RNF150: variants seen among roughly 807,000 people sequenced by gnomAD.
The protein encoded by RNF150 is ring finger protein 150.
In RNF150, 24 loss-of-function variants were observed where a neutral mutation model predicts 39.3. The ratio of observed to expected loss-of-function variants is 0.61; its 90% CI spans 0.44 to 0.86. The LOEUF (loss-of-function observed/expected upper bound fraction) is 0.86. Among genes scored for constraint, RNF150 ranks in the 40% least tolerant of loss-of-function variants. The pLI is 0.00. For synonymous variants in RNF150, 255 were observed against 227.3 expected (o/e 1.12, Z -1.10); for missense variants, 502 against 587.8 (o/e 0.85, Z 1.51).
intron 2 of RNF150, among the ~76,000 whole-genome samples, chr4:140,959,341 T>C (rs947814087): frequency 2.6e-5 from 4 of 152,102 alleles, no homozygotes; most frequent in Admixed American, 1.3e-4. Context: ...TGGTCAGAGA[T>C]AAGATTCCAC....
At chr4:141,042,516 G>GA (rs899868178) in intron 1 of RNF150, among the ~76,000 whole-genome samples, 3 of 151,602 alleles carry the variant, frequency 2.0e-5, no homozygotes, top group African/African-American at 7.3e-5. Context: ...AGATGTGTCT[G>GA]AAAAAAAATG....
intron 1 of RNF150, among the ~76,000 whole-genome samples, chr4:141,023,632 GAC>G (rs957885513): frequency 5.3e-5 from 8 of 152,022 alleles, no homozygotes; most frequent in African/African-American, 1.9e-4. Context: ...AAATTATTGA[GAC>G]AGTTTACATT....
At chr4:141,013,352 T>C (rs1308149528) in intron 1 of RNF150, among the ~76,000 whole-genome samples, 2 of 152,234 alleles carry the variant, frequency 1.3e-5, no homozygotes, top group Non-Finnish European at 2.9e-5. Flanking sequence ...CTGTTCTTTC[T>C]ATATATGTTG....
At chr4:140,987,477 T>C (rs2111470578) in intron 1 of RNF150, among the ~76,000 whole-genome samples, 1 of 152,132 alleles carries the variant, frequency 6.6e-6, no homozygotes, top group African/African-American at 2.4e-5. Context: ...CCTATTGCCA[T>C]CTATCTTTGA....
chr4:140,897,930 C>A (rs1730022851), intron 6 of RNF150, among the ~76,000 whole-genome samples: 1 of 152,112 alleles, frequency 6.6e-6, no homozygotes. Flanking sequence ...TGGGCCTTGA[C>A]CTAGCTTTAC....
intron 4 of RNF150, among the ~76,000 whole-genome samples, chr4:140,946,133 G>A (rs75219878): frequency 0.021 from 3,246 of 152,266 alleles, 65 homozygotes; most frequent in African/African-American, 0.048. Flanking sequence ...AGATATAGGT[G>A]TCTACAAACT....
At chr4:141,085,884 A>T (rs1397490917) in intron 1 of RNF150, among the ~76,000 whole-genome samples, 15 of 152,214 alleles carry the variant, frequency 9.9e-5, no homozygotes, top group Admixed American at 9.8e-4. Context: ...AATCATTTTT[A>T]AAAATTCTAG....
chr4:140,950,139 GC>G (rs1163610996), intron 2 of RNF150, among the ~76,000 whole-genome samples: 3 of 152,014 alleles, frequency 2.0e-5, no homozygotes, highest in African/African-American at 7.2e-5. Context: ...AATCTGTCAA[GC>G]AAAAAAATTG....
intron 5 of RNF150, among the ~76,000 whole-genome samples, chr4:140,916,576 T>C (rs1231189130): frequency 6.6e-6 from 1 of 152,174 alleles, no homozygotes; most frequent in Non-Finnish European, 1.5e-5. Flanking sequence ...TTGGTGTACC[T>C]GAAAGTGACG....
rs963420339 is a variant in RNF150, at chr4:141,106,425, G to C, written c.484+25900C>G. ...TAAGAGTAAGAAGATGTGAGTTTGA[G>C]TCCTAGCTAGGCTAGCCAAGGTAGG... On this transcript the variant is annotated intron_variant, in intron 1 of 6. Coordinates refer to ENST00000515673, the MANE Select transcript of RNF150 (RefSeq NM_020724.2). Among the ~76,000 whole-genome samples, 10 of 152,114 alleles carry C rather than the reference G, an allele frequency of 6.6e-5. 1 individual carries two copies. Among genetic ancestry groups the C allele is most frequent in the Admixed American group, 4.6e-4 (7 of 15,270 alleles).
At chr4:141,012,311 C>G (rs756793978) in intron 1 of RNF150, among the ~76,000 whole-genome samples, 2 of 152,172 alleles carry the variant, frequency 1.3e-5, no homozygotes, top group Non-Finnish European at 2.9e-5. Context: ...CAATAAGAAG[C>G]TGGCTGTGAA....
intron 1 of RNF150, among the ~76,000 whole-genome samples, chr4:141,179,869 G>C (rs908560722): frequency 9.2e-5 from 14 of 152,246 alleles, no homozygotes; most frequent in African/African-American, 2.6e-4. Context: ...GAAAGATGGG[G>C]CTTCACACCG....
At chr4:141,189,441 C>T (rs964415802) in intron 1 of RNF150, among the ~76,000 whole-genome samples, 9 of 152,212 alleles carry the variant, frequency 5.9e-5, no homozygotes, top group African/African-American at 1.7e-4. Flanking sequence ...AGGAGATCCA[C>T]TGCTCTCTTC....
chr4:140,887,315 A>C (rs1031288213), intron 6 of RNF150, among the ~76,000 whole-genome samples: 5 of 152,258 alleles, frequency 3.3e-5, no homozygotes, highest in African/African-American at 9.6e-5. Flanking sequence ...GAGATTTGAT[A>C]AATACACATG....
chr4:140,869,581 T>G (rs1043232979), intron 6 of RNF150, among the ~76,000 whole-genome samples: 2 of 152,136 alleles, frequency 1.3e-5, no homozygotes, highest in Non-Finnish European at 2.9e-5. Context: ...GGTTGACCAT[T>G]TACTAGGCAA....
chr4:140,977,103 C>T (rs1733693151), intron 1 of RNF150, among the ~76,000 whole-genome samples: 1 of 152,042 alleles, frequency 6.6e-6, no homozygotes, highest in Non-Finnish European at 1.5e-5. Context: ...TGAGATAATT[C>T]ACAATGGATT....
chr4:141,155,289 G>GC (rs2111147855), intron 1 of RNF150, among the ~76,000 whole-genome samples: 1 of 31,560 alleles, frequency 3.2e-5, no homozygotes, highest in Non-Finnish European at 6.8e-5. Context: ...AGTAGAGGCA[G>GC]GTTTCACTAT....
chr4:140,963,063 T>C (rs1733102144), intron 2 of RNF150, among the ~76,000 whole-genome samples: 1 of 152,068 alleles, frequency 6.6e-6, no homozygotes. Context: ...TACTCACATG[T>C]TGACAATTTA....
chr4:140,913,942 AAACT>A (rs1730715608), intron 5 of RNF150, among the ~76,000 whole-genome samples: 1 of 152,232 alleles, frequency 6.6e-6, no homozygotes, highest in Non-Finnish European at 1.5e-5. Flanking sequence ...TTATTAAGCA[AAACT>A]AACTGTGGGA....
Sources: allele counts gnomAD v4.1 joint callset (sites outside exome capture counted in the v4.1 genomes callset), GRCh38; gene constraint gnomAD v4.1.1; transcripts MANE v1.5; gene names NCBI Gene and HGNC (gene_info 2026-07-23, HGNC 2026-07-21).